Variants in PHEX observed in about 807,000 individuals in gnomAD.
The protein encoded by PHEX is phosphate-regulating neutral endopeptidase PHEX.
Under a neutral mutation model 68.0 loss-of-function variants are expected in PHEX, and 16 were observed. The observed-to-expected ratio is 0.24, with a 90% CI of 0.16 to 0.36. PHEX has a LOEUF of 0.36. PHEX is among the 10% of genes least tolerant of loss of function. The pLI, the probability that PHEX is intolerant of heterozygous loss-of-function variation, is 1.00. For synonymous variants in PHEX, 208 were observed against 205.1 expected (o/e 1.01, Z -0.12); for missense variants, 480 against 575.5 (o/e 0.83, Z 1.70).
intron 15 of PHEX, 147 bp from the exon 16 acceptor site, chrX:22,212,757 G>A (rs944239688): frequency 3.7e-6 from 2 of 536,495 alleles, no homozygotes; most frequent in Admixed American, 2.5e-5. Context: ...TGATATCATT[G>A]AGACAGCTAG....
intron 20 of PHEX, among the ~76,000 whole-genome samples, chrX:22,231,228 T>C (rs1395756992): frequency 8.9e-6 from 1 of 112,145 alleles, no homozygotes; most frequent in Non-Finnish European, 1.9e-5. Context: ...CCTGAAAGTT[T>C]TCTTTTTTTT....
chrX:22,050,743 C>G (rs1927793428), intron 3 of PHEX, among the ~76,000 whole-genome samples: 1 of 110,378 alleles, frequency 9.1e-6, no homozygotes, highest in African/African-American at 3.3e-5. Flanking sequence ...TTCTGTTGTT[C>G]CTAGTTTGCA....
intron 20 of PHEX, among the ~76,000 whole-genome samples, chrX:22,236,012 T>C (rs1263280169): frequency 9.0e-6 from 1 of 111,705 alleles, no homozygotes; most frequent in African/African-American, 3.3e-5. Context: ...CAATTTCCCA[T>C]AACTAACTCC....
At position 22,228,448 on chromosome X, in the gene PHEX, A is replaced by T. The variant is rs781032667; in HGVS notation, c.2070+837A>T. 1.7e-4 allele frequency among the ~76,000 whole-genome samples: 19 copies of T among 112,121 alleles called. No homozygotes were observed. The East Asian group carries it at 5.0e-3, about 30-fold the overall frequency. On this transcript the variant is annotated intron_variant, in intron 20 of 21. Coordinates refer to ENST00000379374, the MANE Select transcript of PHEX (RefSeq NM_000444.6). The stretch of plus-strand genomic sequence containing the variant: ...CTCATTCTCACACGAGTCTTCTATA[A>T]TTCACTCTGGTCACAGGATTCTTGC...
At chrX:22,121,341 C>A (rs893878013) in intron 11 of PHEX, among the ~76,000 whole-genome samples, 5 of 111,673 alleles carry the variant, frequency 4.5e-5, no homozygotes, top group African/African-American at 1.6e-4. Flanking sequence ...TCTTGTTAAA[C>A]CAACTTGACA....
intron 20 of PHEX, among the ~76,000 whole-genome samples, chrX:22,227,886 C>T (rs1602413153): frequency 9.0e-6 from 1 of 111,721 alleles, no homozygotes; most frequent in African/African-American, 3.3e-5. Flanking sequence ...TGTATCTTGA[C>T]TTCTTAATGT....
intron 20 of PHEX, among the ~76,000 whole-genome samples, chrX:22,242,177 C>G (rs1044134728): frequency 8.9e-6 from 1 of 111,895 alleles, no homozygotes; most frequent in Non-Finnish European, 1.9e-5. Flanking sequence ...TGACAAAAAC[C>G]ACACGATTAT....
chrX:22,075,555 A>T (rs1301474137), intron 3 of PHEX, among the ~76,000 whole-genome samples: 1 of 110,828 alleles, frequency 9.0e-6, no homozygotes, highest in African/African-American at 3.3e-5. Flanking sequence ...TCTTGGCTTC[A>T]TGTTGGTAGA....
At chrX:22,150,295 G>A (rs1407425532) in intron 12 of PHEX, among the ~76,000 whole-genome samples, 1 of 111,873 alleles carries the variant, frequency 8.9e-6, no homozygotes, top group African/African-American at 3.2e-5. Context: ...TTGGAGGGGA[G>A]CCTGAGAGTC....
chrX:22,114,732 G>GGAA, intron 11 of PHEX, 146 bp downstream of exon 11: 1 of 531,067 alleles, frequency 1.9e-6, no homozygotes, highest in East Asian at 3.8e-5. Context: ...AAGTGAAATA[G>GGAA]GAAGAAAGGT....
chrX:22,193,148 G>A (rs937686071), intron 15 of PHEX, among the ~76,000 whole-genome samples: 2 of 110,597 alleles, frequency 1.8e-5, no homozygotes, highest in Non-Finnish European at 3.8e-5. Flanking sequence ...TATGATATTT[G>A]AGTTATTAAT....
intron 20 of PHEX, among the ~76,000 whole-genome samples, chrX:22,234,545 T>C (rs1044563219): frequency 1.8e-5 from 2 of 111,033 alleles, no homozygotes; most frequent in Admixed American, 1.9e-4. Flanking sequence ...TCAAACTTCC[T>C]GGTGGCTTTG....
At chrX:22,078,911 C>T (rs185033864) in intron 5 of PHEX, among the ~76,000 whole-genome samples, 263 of 111,800 alleles carry the variant, frequency 2.4e-3, no homozygotes, top group African/African-American at 8.1e-3. Context: ...AACTGTGTTT[C>T]TATGTTTGGT....
At chrX:22,060,063 G>A (rs1280164932) in intron 3 of PHEX, among the ~76,000 whole-genome samples, 1 of 107,010 alleles carries the variant, frequency 9.3e-6, no homozygotes, top group Non-Finnish European at 1.9e-5. Flanking sequence ...GTTGGAGAGG[G>A]AAGAATGCTT....
At chrX:22,100,428 T>C (rs1452752962) in intron 9 of PHEX, among the ~76,000 whole-genome samples, 3 of 112,204 alleles carry the variant, frequency 2.7e-5, no homozygotes, top group African/African-American at 9.7e-5. Flanking sequence ...CTATAAAATA[T>C]GACCCAAACG....
At chrX:22,062,557 T>G (rs1406410879) in intron 3 of PHEX, among the ~76,000 whole-genome samples, 1 of 111,429 alleles carries the variant, frequency 9.0e-6, no homozygotes, top group African/African-American at 3.3e-5. Flanking sequence ...CTTGCAACCC[T>G]TCTCCATTTG....
At chrX:22,084,576 A>T (rs1929542717) in intron 5 of PHEX, among the ~76,000 whole-genome samples, 1 of 98,566 alleles carries the variant, frequency 1.0e-5, no homozygotes, top group Non-Finnish European at 2.0e-5. Context: ...TTTGAATATA[A>T]TTTGTATTGC....
chrX:22,046,592 A>G (rs1319429323), intron 2 of PHEX, among the ~76,000 whole-genome samples: 41 of 92,568 alleles, frequency 4.4e-4, no homozygotes, highest in Admixed American at 1.7e-3. Flanking sequence ...TTTGAGAGAC[A>G]GGTTCACTCT....
chrX:22,074,168 AG>A (rs762796182), intron 3 of PHEX, among the ~76,000 whole-genome samples: 1 of 110,686 alleles, frequency 9.0e-6, no homozygotes, highest in African/African-American at 3.3e-5. Flanking sequence ...ATAACTCTCC[AG>A]GCTACATTTT....
Sources: gnomAD v4.1 joint callset for allele counts (sites outside exome capture counted in the v4.1 genomes callset) on GRCh38, gnomAD v4.1.1 for gene constraint, MANE v1.5 for transcripts, NCBI Gene and HGNC (gene_info 2026-07-23, HGNC 2026-07-21) for gene names.